INSL6: variants seen among roughly 807,000 people sequenced by gnomAD.
The protein encoded by INSL6 is insulin-like peptide INSL6.
INSL6 carries 16 observed loss-of-function variants against 9.4 expected under a neutral mutation model. The observed-to-expected ratio is 1.70, with a 90% confidence interval of 1.15 to 2.59. The LOEUF (loss-of-function observed/expected upper bound fraction) is 2.59. Ranked by LOEUF, INSL6 falls within the 30% of genes most tolerant of loss-of-function variation. INSL6 has a pLI of 0.00. For synonymous variants in INSL6, 154 were observed against 96.9 expected (o/e 1.59, Z -3.46); for missense variants, 391 against 257.3 (o/e 1.52, Z -3.56).
In INSL6 at chr9:5,126,567, G is replaced by A. The variant is rs1824013856; in HGVS notation, c.*11-2056C>T. The A allele has an allele frequency of 5.4e-6, 5 of 927,096 alleles. No homozygotes were observed. In the East Asian group the frequency reaches 1.3e-4, roughly 24 times the overall value. The allele number at this position is 927,096 out of a possible 1,614,324, so 57.4% of individuals were successfully genotyped here. A position where few individuals can be genotyped will look rare whatever the true frequency, so the allele number is the denominator to read the frequency against. ...TTCCAGATAAACAGCATAATCAGAT[G>A]ACTGTGGAACAAGGCATGGTTATGA... is the stretch of plus-strand genomic sequence containing the variant. On this transcript the variant is annotated intron_variant, in intron 3 of 3. Transcript: ENST00000649639.
At chr9:5,102,048 C>A in the INSL6 span, among the ~76,000 whole-genome samples, 1 of 152,130 alleles carries the variant, frequency 6.6e-6, no homozygotes, top group Admixed American at 6.5e-5. Context: ...CTTTGACGAG[C>A]TGACAGAAGT....
the INSL6 span, among the ~76,000 whole-genome samples, chr9:5,047,066 A>T: frequency 6.6e-6 from 1 of 152,196 alleles, no homozygotes; most frequent in African/African-American, 2.4e-5. Flanking sequence ...TAATTCCACC[A>T]TATAATTCTA....
the INSL6 span, among the ~76,000 whole-genome samples, chr9:5,015,900 G>GA: frequency 0.089 from 13,470 of 151,988 alleles, 1,754 homozygotes; most frequent in African/African-American, 0.29. Context: ...TATAAAAAGA[G>GA]TAAAAAATAT....
the INSL6 span, among the ~76,000 whole-genome samples, chr9:5,064,361 C>T: frequency 1.3e-5 from 2 of 152,200 alleles, no homozygotes; most frequent in South Asian, 4.1e-4. Flanking sequence ...GAGAACCTGT[C>T]TTTACTAAAA....
the INSL6 span, among the ~76,000 whole-genome samples, chr9:5,006,175 A>C: frequency 6.6e-6 from 1 of 152,104 alleles, no homozygotes; most frequent in Non-Finnish European, 1.5e-5. Flanking sequence ...TTCATTGAGC[A>C]GTGGTTTGTA....
At chr9:5,160,816 T>C (rs1264521249), downstream of INSL6, among the ~76,000 whole-genome samples, 1 of 152,056 alleles carries the variant, frequency 6.6e-6, no homozygotes. Flanking sequence ...AGCAACTATA[T>C]GCCAAAAAAC....
the INSL6 span, among the ~76,000 whole-genome samples, chr9:5,107,650 A>G: frequency 6.6e-6 from 1 of 152,204 alleles, no homozygotes; most frequent in Non-Finnish European, 1.5e-5. Flanking sequence ...CCCTCTATTT[A>G]CATCAACATT....
chr9:5,023,870 T>C, the INSL6 span, among the ~76,000 whole-genome samples: 1 of 150,252 alleles, frequency 6.7e-6, no homozygotes, highest in East Asian at 1.9e-4. Flanking sequence ...TCCTTTAGCT[T>C]ATAGTAAGAT....
At chr9:5,155,505 G>C (rs1237546273) in intron 2 of INSL6, among the ~76,000 whole-genome samples, 1 of 139,768 alleles carries the variant, frequency 7.2e-6, no homozygotes, top group Non-Finnish European at 1.5e-5. Context: ...GTACCTAGCA[G>C]AATAAATACA....
chr9:5,008,219 G>T, the INSL6 span, among the ~76,000 whole-genome samples: 3 of 152,090 alleles, frequency 2.0e-5, no homozygotes, highest in African/African-American at 7.2e-5. Context: ...TAAAATGTTT[G>T]CTTGTTCCAT....
the INSL6 span, chr9:5,054,692 A>C: frequency 6.2e-7 from 1 of 1,613,492 alleles, no homozygotes; most frequent in Non-Finnish European, 8.5e-7. The surrounding 1 kb of genome is among the most constrained non-coding windows in gnomAD (Gnocchi z 4.9). Flanking sequence ...CCACTGCCAG[A>C]AACTTGAAAC....
intron 3 of INSL6, among the ~76,000 whole-genome samples, chr9:5,130,980 C>A (rs911287059): frequency 1.7e-4 from 26 of 152,054 alleles, no homozygotes; most frequent in African/African-American, 5.8e-4. Flanking sequence ...CCGCCCGCCT[C>A]GGCCTCCCAA....
the INSL6 span, among the ~76,000 whole-genome samples, chr9:5,061,286 C>G: frequency 2.0e-5 from 3 of 152,218 alleles, no homozygotes; most frequent in Admixed American, 1.3e-4. Flanking sequence ...TGAAGGCAAG[C>G]ACTGACTTCT....
chr9:5,119,790 G>T (rs1468532465), downstream of INSL6, among the ~76,000 whole-genome samples: 3 of 151,998 alleles, frequency 2.0e-5, no homozygotes, highest in Non-Finnish European at 4.4e-5. Flanking sequence ...ATTTTCATAT[G>T]TACTTAATGA....
At chr9:5,042,226 C>T in the INSL6 span, among the ~76,000 whole-genome samples, 13 of 151,124 alleles carry the variant, frequency 8.6e-5, no homozygotes, top group East Asian at 1.4e-3. Context: ...CAAGCTCCGC[C>T]TCCCGGGTTC....
chr9:5,080,445 T>G, the INSL6 span: 4 of 1,542,686 alleles, frequency 2.6e-6, no homozygotes, highest in East Asian at 6.8e-5. Flanking sequence ...TTTCACATGA[T>G]TTGTATTTTT....
At chr9:5,133,804 A>G (rs1824336487) in intron 2 of INSL6, among the ~76,000 whole-genome samples, 1 of 151,880 alleles carries the variant, frequency 6.6e-6, no homozygotes, top group East Asian at 1.9e-4. Context: ...AAGGATCACA[A>G]CTCCTCGCTA....
chr9:5,131,628 C>G (rs1824289558), intron 3 of INSL6, among the ~76,000 whole-genome samples: 1 of 151,872 alleles, frequency 6.6e-6, no homozygotes, highest in Non-Finnish European at 1.5e-5. Flanking sequence ...CTAGTAGAGA[C>G]AGGGTTTCAC....
the INSL6 span, among the ~76,000 whole-genome samples, chr9:5,004,442 C>T: frequency 6.6e-6 from 1 of 152,064 alleles, no homozygotes; most frequent in African/African-American, 2.4e-5. Flanking sequence ...CAGGTTCATC[C>T]ATGTTGTTGT....
Sources: gnomAD v4.1 joint callset for allele counts (sites outside exome capture counted in the v4.1 genomes callset) on GRCh38, gnomAD v4.1.1 for gene constraint, Gnocchi (gnomAD v3.1) non-coding constraint, MANE v1.5 for transcripts, NCBI Gene and HGNC (gene_info 2026-07-23, HGNC 2026-07-21) for gene names.